FOXP1: variants seen among roughly 807,000 people sequenced by gnomAD.
FOXP1 encodes forkhead box protein P1.
A neutral mutation model predicts 98.2 loss-of-function variants in FOXP1; 15 were observed. That is an observed-to-expected ratio of 0.15 (90% CI 0.10 to 0.24). The LOEUF (loss-of-function observed/expected upper bound fraction) is 0.24, where lower values mean the gene tolerates loss of function less well. Ranked by LOEUF, FOXP1 falls within the 10% of genes least tolerant of loss-of-function variation. The pLI is 1.00. For synonymous variants in FOXP1, 371 were observed against 314.5 expected, an observed-to-expected ratio of 1.18 and a Z score of -1.90; for missense variants, 633 against 848.5, an observed-to-expected ratio of 0.75 and a Z score of 3.15.
intron 5 of FOXP1, among the ~76,000 whole-genome samples, chr3:71,293,854 A>G (rs2073014893): frequency 6.6e-6 from 1 of 152,246 alleles, no homozygotes; most frequent in African/African-American, 2.4e-5. Flanking sequence ...TACACACAGC[A>G]TAAAAAACAG....
chr3:71,294,051 G>A (rs67888264), intron 5 of FOXP1, among the ~76,000 whole-genome samples: 42,600 of 152,020 alleles, frequency 0.28, 6,439 homozygotes, highest in Middle Eastern at 0.35. Context: ...TCTATGAAAC[G>A]TCCAGACTAA....
At chr3:71,278,782 G>A (rs557766627) in intron 5 of FOXP1, among the ~76,000 whole-genome samples, 7 of 151,606 alleles carry the variant, frequency 4.6e-5, no homozygotes, top group Admixed American at 2.6e-4. Flanking sequence ...ACTCCATCTC[G>A]AAAACAAACA....
chr3:71,015,695 C>T, intron 11 of FOXP1, 42 bp from the exon 12 acceptor site: 1 of 1,382,610 alleles, frequency 7.2e-7, no homozygotes, highest in Non-Finnish European at 1.0e-6. Flanking sequence ...GAATTTGCTG[C>T]CAAGAACCAT....
intron 7 of FOXP1, among the ~76,000 whole-genome samples, chr3:71,063,623 CTT>C (rs993543436): frequency 7.9e-5 from 12 of 152,292 alleles, no homozygotes; most frequent in African/African-American, 1.2e-4. Context: ...ATAAATGTAA[CTT>C]ATTTTTTTTC....
chr3:71,295,351 T>C (rs1249017162), intron 5 of FOXP1, among the ~76,000 whole-genome samples: 1 of 152,254 alleles, frequency 6.6e-6, no homozygotes, highest in Non-Finnish European at 1.5e-5. Context: ...AAGGAACTTA[T>C]ATTTCAAATA....
intron 7 of FOXP1, among the ~76,000 whole-genome samples, chr3:71,055,141 C>T (rs1369860778): frequency 6.6e-6 from 1 of 152,202 alleles, no homozygotes; most frequent in African/African-American, 2.4e-5. Context: ...CTGTCATTTG[C>T]ATAGCGAGCT....
intron 6 of FOXP1, among the ~76,000 whole-genome samples, chr3:71,155,140 C>T (rs1300318222): frequency 6.6e-6 from 1 of 152,132 alleles, no homozygotes; most frequent in Non-Finnish European, 1.5e-5. Context: ...AGGTTTGTCT[C>T]AGTCCAAGGT....
intron 5 of FOXP1, among the ~76,000 whole-genome samples, chr3:71,279,995 C>T (rs1284789436): frequency 1.3e-5 from 2 of 151,646 alleles, no homozygotes; most frequent in Non-Finnish European, 1.5e-5. Flanking sequence ...TGGTGATGGG[C>T]GCCTGTAGTC....
chr3:71,498,840 T>C (rs988394305), intron 2 of FOXP1, among the ~76,000 whole-genome samples: 2 of 152,180 alleles, frequency 1.3e-5, no homozygotes, highest in Non-Finnish European at 2.9e-5. Context: ...TGAGAATTTC[T>C]AGCAAGTTCC....
chr3:71,522,951 T>C (rs565484238), intron 2 of FOXP1, among the ~76,000 whole-genome samples: 10 of 152,174 alleles, frequency 6.6e-5, no homozygotes, highest in Non-Finnish European at 8.8e-5. Flanking sequence ...AATTCAACTA[T>C]ATGAACTGAG....
chr3:71,569,487 C>A (rs573843470), intron 2 of FOXP1, among the ~76,000 whole-genome samples: 2 of 152,034 alleles, frequency 1.3e-5, no homozygotes, highest in African/African-American at 4.8e-5. Flanking sequence ...AATGGAAGAG[C>A]AAGTACTTAT....
At chr3:71,097,587 G>T (rs1483587765) in intron 7 of FOXP1, among the ~76,000 whole-genome samples, 1 of 152,236 alleles carries the variant, frequency 6.6e-6, no homozygotes, top group East Asian at 1.9e-4. Flanking sequence ...CTGAGACAAC[G>T]ATGGAGGAAG....
At chr3:71,087,250 A>C (rs2055220068) in intron 7 of FOXP1, among the ~76,000 whole-genome samples, 1 of 152,190 alleles carries the variant, frequency 6.6e-6, no homozygotes, top group African/African-American at 2.4e-5. Context: ...AGGTTAGCTC[A>C]GTTCTTTGTT....
At chr3:71,318,693 T>C (rs1187260207) in intron 4 of FOXP1, among the ~76,000 whole-genome samples, 1 of 151,998 alleles carries the variant, frequency 6.6e-6, no homozygotes, top group Non-Finnish European at 1.5e-5. Context: ...TTTTTTTGTT[T>C]TCTCTGTCAT....
chr3:71,212,689 T>G (rs1366094392), intron 5 of FOXP1, among the ~76,000 whole-genome samples: 1 of 152,220 alleles, frequency 6.6e-6, no homozygotes, highest in Admixed American at 6.5e-5. Flanking sequence ...TTCAAATGCT[T>G]TATTGGTCAA....
At chr3:71,179,602 T>C (rs1356341829) in intron 6 of FOXP1, among the ~76,000 whole-genome samples, 1 of 152,212 alleles carries the variant, frequency 6.6e-6, no homozygotes, top group African/African-American at 2.4e-5. Context: ...TGAAACACCA[T>C]GTAAGAGAAT....
intron 5 of FOXP1, among the ~76,000 whole-genome samples, chr3:71,258,778 C>T (rs2068848314): frequency 1.3e-5 from 2 of 152,178 alleles, no homozygotes; most frequent in South Asian, 4.1e-4. Flanking sequence ...AATTCTGTGT[C>T]TAGGACTATC....
At chr3:71,234,457 G>C (rs2106813062) in intron 5 of FOXP1, among the ~76,000 whole-genome samples, 2 of 152,322 alleles carry the variant, frequency 1.3e-5, no homozygotes, top group South Asian at 4.1e-4. Flanking sequence ...ATATGGGTGA[G>C]TGGGGGGAGG....
At chr3:71,565,917 A>T (rs1265268571) in intron 2 of FOXP1, among the ~76,000 whole-genome samples, 1 of 152,362 alleles carries the variant, frequency 6.6e-6, no homozygotes, top group Middle Eastern at 3.4e-3. Context: ...AAAGGAGTAC[A>T]TGAGAGAAGA....
Sources: gnomAD v4.1 joint callset for allele counts (sites outside exome capture counted in the v4.1 genomes callset) on GRCh38, gnomAD v4.1.1 for gene constraint, MANE v1.5 for transcripts, NCBI Gene and HGNC (gene_info 2026-07-23, HGNC 2026-07-21) for gene names.